The following EFCAB6 variants were observed in gnomAD, a reference collection of about 807,000 sequenced individuals.
EFCAB6 encodes EF-hand calcium-binding domain-containing protein 6.
In EFCAB6, 156 loss-of-function variants were observed where a neutral mutation model predicts 169.8. The ratio of observed to expected loss-of-function variants is 0.92; its 90% CI spans 0.81 to 1.05. The LOEUF is 1.05. EFCAB6 is among the 50% of genes least tolerant of loss of function. The pLI, the probability that EFCAB6 is intolerant of heterozygous loss-of-function variation, is 0.00. For synonymous variants in EFCAB6, 698 were observed against 676.4 expected (o/e 1.03, Z -0.50); for missense variants, 1,800 against 1,829.1 (o/e 0.98, Z 0.29).
intron 15 of EFCAB6, among the ~76,000 whole-genome samples, chr22:43,671,728 CCT>C (rs1318295548): frequency 5.9e-5 from 9 of 152,164 alleles, no homozygotes; most frequent in Non-Finnish European, 1.2e-4. Context: ...CTTCTCCAGA[CCT>C]CTGTTTCTTT....
intron 30 of EFCAB6, among the ~76,000 whole-genome samples, chr22:43,533,009 T>A (rs542734050): frequency 1.3e-5 from 2 of 152,378 alleles, no homozygotes; most frequent in East Asian, 3.9e-4. Flanking sequence ...AAACATTTTT[T>A]GGCTTCATGT....
chr22:43,768,699 C>T (rs1271041188), intron 4 of EFCAB6, among the ~76,000 whole-genome samples: 5 of 152,244 alleles, frequency 3.3e-5, no homozygotes, highest in African/African-American at 1.2e-4. Context: ...CTACAGTTCT[C>T]AGTGGCTTCT....
intron 6 of EFCAB6, among the ~76,000 whole-genome samples, chr22:43,751,960 G>C (rs2060785680): frequency 6.6e-6 from 1 of 152,128 alleles, no homozygotes; most frequent in Non-Finnish European, 1.5e-5. Context: ...CTCAGTGCTA[G>C]CTATTATTAC....
At chr22:43,730,979 C>T (rs1199733540) in intron 8 of EFCAB6, among the ~76,000 whole-genome samples, 6 of 152,050 alleles carry the variant, frequency 3.9e-5, no homozygotes, top group Admixed American at 2.0e-4. Flanking sequence ...CCATTTTGAG[C>T]GAGTCATTCA....
chr22:43,637,400 C>A lies in EFCAB6; in HGVS notation c.1984-2184G>T, dbSNP rs1272447808. Among the ~76,000 whole-genome samples, 36 of 152,146 alleles carry A rather than the reference C, an allele frequency of 2.4e-4. 1 individual carries two copies. The highest frequency in any genetic ancestry group is 2.4e-3 in the Admixed American group (36 of 15,284). ...TCGGGAAGAGGACCAGGGAGCTGGC[C>A]CCTGTGGCTTATTCTCCCTTTCACT... On this transcript the variant is annotated intron_variant, in intron 17 of 31. Coordinates refer to ENST00000262726, the MANE Select transcript of EFCAB6 (RefSeq NM_022785.4).
chr22:43,534,965 G>T, intron 29 of EFCAB6, 93 bp from the exon 30 acceptor site: 2 of 1,367,558 alleles, frequency 1.5e-6, no homozygotes, highest in South Asian at 1.4e-5. Context: ...CACCTTCTCT[G>T]CTTCAGGCCC....
At chr22:43,589,155 G>A (rs1287009775) in intron 24 of EFCAB6, among the ~76,000 whole-genome samples, 1 of 151,872 alleles carries the variant, frequency 6.6e-6, no homozygotes, top group Non-Finnish European at 1.5e-5. Flanking sequence ...GGTGGCTCAT[G>A]CCTGTAATCC....
At chr22:43,732,109 C>A (rs964111208) in intron 7 of EFCAB6, among the ~76,000 whole-genome samples, 1 of 152,146 alleles carries the variant, frequency 6.6e-6, no homozygotes, top group South Asian at 2.1e-4. Flanking sequence ...GAGTTTCTCC[C>A]GGCTCTGGCA....
At chr22:43,750,617 G>C (rs1253970289) in intron 6 of EFCAB6, among the ~76,000 whole-genome samples, 1 of 152,144 alleles carries the variant, frequency 6.6e-6, no homozygotes, top group East Asian at 1.9e-4. Flanking sequence ...TTTAGTAAAT[G>C]GCCTCATTTT....
chr22:43,667,040 T>C, intron 17 of EFCAB6, 64 bp downstream of exon 17: 1 of 1,548,196 alleles, frequency 6.5e-7, no homozygotes, highest in Middle Eastern at 1.8e-4. Flanking sequence ...CTTTAAAGTA[T>C]GTTAGTATAA....
chr22:43,604,749 C>T (rs572261415), intron 22 of EFCAB6, among the ~76,000 whole-genome samples: 22 of 151,722 alleles, frequency 1.5e-4, no homozygotes, highest in African/African-American at 5.1e-4. Context: ...GCTGCTTTTT[C>T]ACAGTCTCTT....
intron 4 of EFCAB6, among the ~76,000 whole-genome samples, chr22:43,768,627 G>T (rs1264305923): frequency 2.0e-5 from 3 of 152,176 alleles, no homozygotes; most frequent in Non-Finnish European, 4.4e-5. Context: ...AAGGTTCTGG[G>T]AATCTTACTT....
At chr22:43,693,460 G>A (rs73174327) in intron 10 of EFCAB6, among the ~76,000 whole-genome samples, 1,999 of 149,796 alleles carry the variant, frequency 0.013, 20 homozygotes, top group Non-Finnish European at 0.019. Context: ...AAAAAACAAG[G>A]AAATCTTAAG....
At chr22:43,564,702 C>A (rs1051528609) in intron 26 of EFCAB6, among the ~76,000 whole-genome samples, 1 of 152,156 alleles carries the variant, frequency 6.6e-6, no homozygotes, top group Non-Finnish European at 1.5e-5. Context: ...TGTTAGTTCA[C>A]GTTCGGTTTT....
chr22:43,600,009 G>A, intron 23 of EFCAB6, 60 bp downstream of exon 23: 5 of 1,528,608 alleles, frequency 3.3e-6, no homozygotes, highest in South Asian at 2.4e-5. Flanking sequence ...AACTTGTGCT[G>A]TGAGGCCAGA....
intron 7 of EFCAB6, among the ~76,000 whole-genome samples, chr22:43,732,966 C>T (rs950546754): frequency 6.6e-6 from 1 of 152,112 alleles, no homozygotes; most frequent in Admixed American, 6.5e-5. Flanking sequence ...TAATCTCATA[C>T]TGCTTTCTAA....
chr22:43,613,634 G>A (rs1352773025), intron 21 of EFCAB6, among the ~76,000 whole-genome samples: 2 of 152,022 alleles, frequency 1.3e-5, no homozygotes, highest in Admixed American at 1.3e-4. Context: ...AAAGGAGGGG[G>A]AGGATTTGGA....
chr22:43,541,907 C>T (rs915497628), intron 27 of EFCAB6, among the ~76,000 whole-genome samples: 3 of 152,242 alleles, frequency 2.0e-5, no homozygotes, highest in African/African-American at 2.4e-5. Context: ...GTGCTCAATA[C>T]ATGTTTGCTC....
chr22:43,557,648 G>C (rs1343101758), intron 26 of EFCAB6, among the ~76,000 whole-genome samples: 2 of 152,088 alleles, frequency 1.3e-5, no homozygotes, highest in Non-Finnish European at 2.9e-5. Flanking sequence ...CCAGAACACA[G>C]AAAGAGTCAT....
Sources: gnomAD v4.1 joint callset for allele counts (sites outside exome capture counted in the v4.1 genomes callset) on GRCh38, gnomAD v4.1.1 for gene constraint, MANE v1.5 for transcripts, NCBI Gene and HGNC (gene_info 2026-07-23, HGNC 2026-07-21) for gene names.